The following SERPINB2 variants were observed in gnomAD, a reference collection of about 807,000 sequenced individuals.
SERPINB2 encodes the protein plasminogen activator inhibitor 2.
A neutral mutation model predicts 39.4 loss-of-function variants in SERPINB2; 28 were observed. The observed-to-expected ratio is 0.71, with a 90% CI of 0.53 to 0.97. The LOEUF is 0.97. SERPINB2 is among the 50% of genes least tolerant of loss of function. SERPINB2 has a pLI of 0.00. For synonymous variants in SERPINB2, 209 were observed against 175.1 expected (o/e 1.19, Z -1.53); for missense variants, 557 against 505.3 (o/e 1.10, Z -0.98).
intron 2 of SERPINB2, among the ~76,000 whole-genome samples, chr18:63,891,823 A>G (rs952297531): frequency 6.6e-6 from 1 of 152,234 alleles, no homozygotes; most frequent in Non-Finnish European, 1.5e-5. Flanking sequence ...TGTTGAAGGC[A>G]TATGGGAGTT....
At chr18:63,901,377 T>C (rs2049990084) in intron 5 of SERPINB2, among the ~76,000 whole-genome samples, 1 of 152,194 alleles carries the variant, frequency 6.6e-6, no homozygotes. Flanking sequence ...GTACATGATA[T>C]ATTTTGGAAA....
In SERPINB2 at chr18:63,903,501, T is replaced by C. The variant is rs781712129; in HGVS notation, c.*196T>C. On this transcript the variant is annotated 3_prime_UTR_variant, in exon 8 of 8. Transcript: ENST00000299502. ...TATAACATGACAACCCTATTAATCA[T>C]TTGGTCTTCTAAAATGGGATCATGC... 4 of 414,748 alleles carry C rather than the reference T, an allele frequency of 9.6e-6. No homozygotes were observed. Among genetic ancestry groups the C allele is most frequent in the Non-Finnish European group, 1.6e-5 (4 of 249,096 alleles). 25.7% of individuals were successfully genotyped at this position (414,748 alleles called of 1,614,324 possible).
At chr18:63,888,827 T>C (rs2049908214) in intron 1 of SERPINB2, among the ~76,000 whole-genome samples, 1 of 152,220 alleles carries the variant, frequency 6.6e-6, no homozygotes, top group Admixed American at 6.5e-5. Flanking sequence ...AATGAGATCA[T>C]ATAAATTACT....
intron 7 of SERPINB2, 70 bp downstream of exon 7, chr18:63,902,638 C>G (rs1017518031): frequency 2.2e-6 from 3 of 1,356,874 alleles, no homozygotes; most frequent in Non-Finnish European, 3.0e-6. Flanking sequence ...AATATATACT[C>G]CTTACAAATG....
chr18:63,892,117 A>T (rs930554861), intron 2 of SERPINB2, among the ~76,000 whole-genome samples: 1 of 152,004 alleles, frequency 6.6e-6, no homozygotes, highest in African/African-American at 2.4e-5. Context: ...CAAAGGGAAA[A>T]AAAAAAAAAC....
intron 1 of SERPINB2, chr18:63,890,770 TG>T (rs2049920687): frequency 2.6e-5 from 4 of 152,184 alleles, no homozygotes; most frequent in Admixed American, 2.6e-4. Flanking sequence ...CTGTGGTATG[TG>T]TGGTGCATAT....
Position 63,902,405 on chromosome 18 carries a change from C to T in SERPINB2, c.680C>T (p.Ala227Val), listed in dbSNP as rs761796235. 1 of 1,567,814 alleles carries T rather than the reference C, an allele frequency of 6.4e-7. No homozygotes were observed. The highest frequency in any genetic ancestry group is 1.2e-5 in the South Asian group (1 of 83,064). The change falls in exon 7 of 8, where the codon GCT (alanine) becomes GTT (valine). Residue 227 changes from alanine (A) to valine (V), a missense_variant and splice_region_variant. Coordinates refer to ENST00000299502, the MANE Select transcript of SERPINB2 (RefSeq NM_002575.3). ...NGLYPFRVNS[A>V]QRTPVQMMYL... ...TATTTTACCTTTTAATAATATTAGGCTCAGCGCACACCTGTACAGATGATG... is the reference window on the plus strand; with the variant it reads ...TATTTTACCTTTTAATAATATTAGGTTCAGCGCACACCTGTACAGATGATG...
intron 1 of SERPINB2, among the ~76,000 whole-genome samples, chr18:63,888,761 T>C (rs905738541): frequency 1.3e-5 from 2 of 152,180 alleles, no homozygotes; most frequent in Non-Finnish European, 2.9e-5. Flanking sequence ...TTACTCCCAT[T>C]AATTCATCCC....
At position 63,903,047 on chromosome 18, in the gene SERPINB2, G is replaced by A. The variant is rs532935148; in HGVS notation, c.990G>A (p.Glu330=). ...CCATTCTGAGAAGCATGGGCATGGA[G>A]GACGCCTTCAACAAGGGACGGGCCA... ...LRSILRSMGM[E]DAFNKGRANF... is the part of the protein sequence containing the mutation. Residue 330 remains glutamate (E), a synonymous_variant, in exon 8 of 8, where the codon GAG becomes GAA. Coordinates refer to ENST00000299502, the MANE Select transcript of SERPINB2 (RefSeq NM_002575.3). 3.1e-6 allele frequency: 5 copies of A among 1,613,844 alleles called. No homozygotes were observed. The Admixed American group carries it at 5.0e-5, about 16-fold the overall frequency.
intron 7 of SERPINB2, 129 bp from the exon 8 acceptor site, chr18:63,902,772 G>C (rs1399051809): frequency 8.5e-7 from 1 of 1,172,316 alleles, no homozygotes. Context: ...TGACCAATCT[G>C]TTAACTTTCT....
At chr18:63,898,792 C>T (rs2049975858) in intron 5 of SERPINB2, among the ~76,000 whole-genome samples, 1 of 152,148 alleles carries the variant, frequency 6.6e-6, no homozygotes, top group Middle Eastern at 3.4e-3. Context: ...AGGGTGCATG[C>T]CTGGGGGGAG....
intron 2 of SERPINB2, among the ~76,000 whole-genome samples, chr18:63,891,890 T>C (rs753325812): frequency 6.6e-6 from 1 of 152,146 alleles, no homozygotes; most frequent in Non-Finnish European, 1.5e-5. Flanking sequence ...ATTTTAATAA[T>C]ATAATATTCT....
Position 63,897,731 on chromosome 18 carries a change from A to T in SERPINB2, c.422A>T (p.Tyr141Phe). Residue 141 changes from tyrosine to phenylalanine, a missense_variant, in exon 5 of 8, where the codon TAT becomes TTT. Coordinates refer to ENST00000299502, the MANE Select transcript of SERPINB2 (RefSeq NM_002575.3). ...GEKSASFREEYIRLCQKYYSS... is the reference protein window; with the variant it reads ...GEKSASFREEFIRLCQKYYSS... ...TGTCATTTTCTTGCTTTAAAGGAAT[A>T]TATTCGACTCTGTCAGAAATATTAC... 1 of 1,588,726 alleles carries T rather than the reference A, an allele frequency of 6.3e-7. No individual in the cohort carries two copies. The highest frequency in any genetic ancestry group is 8.6e-7 in the Non-Finnish European group (1 of 1,157,326).
At chr18:63,899,446 G>C (rs2049979316) in intron 5 of SERPINB2, among the ~76,000 whole-genome samples, 1 of 152,122 alleles carries the variant, frequency 6.6e-6, no homozygotes, top group Non-Finnish European at 1.5e-5. Context: ...AGAGTTGTAG[G>C]CCTTAAGTAA....
chr18:63,898,119 A>G (rs2049972206), intron 5 of SERPINB2, among the ~76,000 whole-genome samples: 1 of 152,238 alleles, frequency 6.6e-6, no homozygotes, highest in Admixed American at 6.5e-5. Flanking sequence ...GAAGCTTTCA[A>G]AATAGGAAAT....
intron 1 of SERPINB2, 75 bp from the exon 2 acceptor site, chr18:63,891,361 C>T (rs983550720): frequency 4.1e-6 from 6 of 1,448,152 alleles, no homozygotes; most frequent in Non-Finnish European, 3.8e-6. Context: ...GCAGCCTGTC[C>T]TACTGTTGCT....
At chr18:63,898,615 G>A (rs1006013670) in intron 5 of SERPINB2, among the ~76,000 whole-genome samples, 3 of 152,206 alleles carry the variant, frequency 2.0e-5, no homozygotes, top group African/African-American at 7.2e-5. Flanking sequence ...CCACCATAGA[G>A]CCTATAGAGG....
In SERPINB2 at chr18:63,902,432, A is replaced by G; in HGVS notation, c.707A>G (p.Tyr236Cys). 2 of 1,613,240 alleles carry G rather than the reference A, an allele frequency of 1.2e-6. No individual in the cohort carries two copies. The highest frequency in any genetic ancestry group is 1.7e-6 in the Non-Finnish European group (2 of 1,179,514). ...CAGCGCACACCTGTACAGATGATGT[A>G]CTTGCGTGAAAAGCTAAACATTGGA... ...SAQRTPVQMM[Y>C]LREKLNIGYI... The change falls in exon 7 of 8, where the codon TAC (tyrosine) becomes TGC (cysteine). Residue 236 changes from tyrosine (Y) to cysteine (C), a missense_variant. Coordinates refer to ENST00000299502, the MANE Select transcript of SERPINB2 (RefSeq NM_002575.3).
At position 63,891,101 on chromosome 18, in the gene SERPINB2, G is replaced by C. The variant is rs139975080; in HGVS notation, c.-9-335G>C. Among the ~76,000 whole-genome samples the C allele has an allele frequency of 7.9e-5, 12 of 152,216 alleles. No individual in the cohort carries two copies. In the South Asian group the frequency reaches 2.5e-3, roughly 32 times the overall value. Reference sequence around the variant, plus strand: ...ATTCTATGGAATGCCACAAAGTGTCGCTGCTCATCATACAAAACACTTCAT... The same window carrying C: ...ATTCTATGGAATGCCACAAAGTGTCCCTGCTCATCATACAAAACACTTCAT... On this transcript the variant is annotated intron_variant, in intron 1 of 7. Coordinates refer to ENST00000299502, the MANE Select transcript of SERPINB2 (RefSeq NM_002575.3).
Sources: allele counts gnomAD v4.1 joint callset (sites outside exome capture counted in the v4.1 genomes callset), GRCh38; gene constraint gnomAD v4.1.1; transcripts MANE v1.5; gene names NCBI Gene and HGNC (gene_info 2026-07-23, HGNC 2026-07-21).